Variants in LRP2 observed in about 807,000 individuals in gnomAD.
LRP2 encodes LDL receptor related protein 2.
LRP2 carries 172 observed loss-of-function variants against 531.0 expected under a neutral mutation model. The observed-to-expected ratio is 0.32, with a 90% CI of 0.29 to 0.37. The LOEUF (loss-of-function observed/expected upper bound fraction) is 0.37. LRP2 is among the 10% of genes least tolerant of loss of function. The pLI is 1.00. For missense variants in LRP2, 5,167 were observed against 5,868.3 expected (o/e 0.88, Z 3.90); for synonymous variants, 1,992 against 2,027.6 (o/e 0.98, Z 0.47).
At chr2:169,165,088 A>G (rs980280638) in intron 62 of LRP2, among the ~76,000 whole-genome samples, 9 of 152,234 alleles carry the variant, frequency 5.9e-5, no homozygotes, top group African/African-American at 2.2e-4. Context: ...CCTCCCTGAC[A>G]GTCTCCTCTG....
chr2:169,185,830 G>A lies in LRP2; in HGVS notation c.9518C>T (p.Ser3173Phe). ...CSQKCENVIG[S>F]YICKCAPGYL... is the part of the protein sequence containing the mutation. ...GCCTGGGGCACACTTACAGATGTAG[G>A]AGCCTATTACATTCTCACACTTCTG... The change falls in exon 50 of 79, where the codon TCC becomes TTC. Residue 3173 changes from serine (S) to phenylalanine (F), a missense_variant. By Grantham distance (155) the Ser-to-Phe change is radical (BLOSUM62 -2). Around this residue, in one of 6 missense-constraint regions of LRP2, gnomAD observed 1,129 missense variants for 1,362.7 expected, o/e 0.83. Coordinates refer to ENST00000649046, the MANE Select transcript of LRP2 (RefSeq NM_004525.3). 1.9e-6 allele frequency: 3 copies of A among 1,613,924 alleles called. No individual in the cohort carries two copies. The highest frequency in any genetic ancestry group is 2.5e-6 in the Non-Finnish European group (3 of 1,179,982).
intron 69 of LRP2, among the ~76,000 whole-genome samples, chr2:169,146,219 T>C (rs1685904929): frequency 1.3e-5 from 2 of 152,216 alleles, no homozygotes; most frequent in Non-Finnish European, 2.9e-5. Context: ...TGGAAAACAA[T>C]TTAAATGGCA....
intron 31 of LRP2, among the ~76,000 whole-genome samples, chr2:169,229,687 C>T (rs1236117252): frequency 6.6e-6 from 1 of 152,194 alleles, no homozygotes; most frequent in East Asian, 1.9e-4. Context: ...AGAACCATCT[C>T]ATAATTCCCC....
chr2:169,327,807 C>T (rs868280461), intron 1 of LRP2, among the ~76,000 whole-genome samples: 1,549 of 86,928 alleles, frequency 0.018, 24 homozygotes, highest in African/African-American at 0.043. Flanking sequence ...AGGTGAGGGG[C>T]GCCTCTGCCC....
intron 22 of LRP2, among the ~76,000 whole-genome samples, chr2:169,244,172 C>G (rs967509640): frequency 1.3e-5 from 2 of 152,128 alleles, no homozygotes; most frequent in Admixed American, 6.6e-5. Context: ...GAACTTTGCT[C>G]CATCTTAAAC....
At chr2:169,174,401 C>A (rs112447735) in intron 55 of LRP2, among the ~76,000 whole-genome samples, 41 of 152,278 alleles carry the variant, frequency 2.7e-4, no homozygotes, top group Admixed American at 1.2e-3. Flanking sequence ...AACTGAACAC[C>A]CTGACCTGTT....
At chr2:169,242,601 A>G (rs10490130) in intron 24 of LRP2, among the ~76,000 whole-genome samples, 1 of 152,180 alleles carries the variant, frequency 6.6e-6, no homozygotes, top group African/African-American at 2.4e-5. Context: ...TCTCTACTGA[A>G]ACTTAAAAGA....
At chr2:169,358,998 T>C (rs1686073007) in intron 1 of LRP2, among the ~76,000 whole-genome samples, 1 of 151,800 alleles carries the variant, frequency 6.6e-6, no homozygotes, top group South Asian at 2.1e-4. Context: ...AAGACTTTCC[T>C]TTGTATATTT....
At chr2:169,294,333 A>G in intron 5 of LRP2, 72 bp from the exon 6 acceptor site, 1 of 929,914 alleles carries the variant, frequency 1.1e-6, no homozygotes, top group South Asian at 1.3e-5. Flanking sequence ...ATCTCAAAGG[A>G]AGAGCATCTC....
intron 8 of LRP2, 131 bp downstream of exon 8, chr2:169,290,714 T>A (rs1683977081): frequency 2.1e-6 from 2 of 957,084 alleles, no homozygotes; most frequent in East Asian, 5.2e-5. Flanking sequence ...GACACGTTTC[T>A]CAGTTTATGC....
chr2:169,146,275 T>C (rs1306545883), intron 69 of LRP2, among the ~76,000 whole-genome samples: 1 of 152,162 alleles, frequency 6.6e-6, no homozygotes, highest in African/African-American at 2.4e-5. Context: ...TCTGACCAAA[T>C]AGGAAAAATG....
chr2:169,303,779 T>C lies in LRP2; in HGVS notation c.427+3502A>G, dbSNP rs550578486. ...ATGCCTCACTGCAAAATCCCTTACA[T>C]GCATGTGATTCATTTTAGGTCACAG... On this transcript the variant is annotated intron_variant, in intron 4 of 78. Transcript: ENST00000649046. 2.1e-3 allele frequency among the ~76,000 whole-genome samples: 317 copies of C among 152,288 alleles called. 6 individuals are homozygous for C. Among genetic ancestry groups the C allele is most frequent in the Middle Eastern group, 0.01 (3 of 294 alleles).
intron 76 of LRP2, among the ~76,000 whole-genome samples, chr2:169,135,779 A>T (rs1482194082): frequency 6.6e-6 from 1 of 152,136 alleles, no homozygotes; most frequent in African/African-American, 2.4e-5. Context: ...GTCTCATTCC[A>T]GACACCAGAC....
chr2:169,221,793 T>C (rs909648503), intron 33 of LRP2, among the ~76,000 whole-genome samples: 1 of 152,140 alleles, frequency 6.6e-6, no homozygotes, highest in Non-Finnish European at 1.5e-5. Flanking sequence ...TGGACTAAGG[T>C]AGCTTTTCTT....
At chr2:169,329,780 G>T (rs1574264380) in intron 1 of LRP2, among the ~76,000 whole-genome samples, 2 of 152,198 alleles carry the variant, frequency 1.3e-5, no homozygotes, top group Non-Finnish European at 2.9e-5. Flanking sequence ...ATCCAAAGCA[G>T]GTCCGCTTGC....
chr2:169,328,232 G>GT lies in LRP2; in HGVS notation c.80-7349_80-7348insA, dbSNP rs1179122492. ...CCCGGCCAGCCGCCCCGTCCGGGAG[G>GT]GAGGTGGGGGGGTCAGCGCCCCGCC... On this transcript the variant is annotated intron_variant, in intron 1 of 78. Transcript: ENST00000649046. 2.4e-4 allele frequency among the ~76,000 whole-genome samples: 29 copies of GT among 122,644 alleles called. 1 individual carries two copies. The highest frequency in any genetic ancestry group is 3.8e-4 in the Non-Finnish European group (21 of 55,168). The allele number at this position is 122,644 out of a possible 152,430, so 80.5% of individuals were successfully genotyped here. A position where few individuals can be genotyped will look rare whatever the true frequency, so the allele number is the denominator to read the frequency against.
Position 169,272,997 on chromosome 2 carries a change from A to G in LRP2, c.2046T>C (p.Asn682=), listed in dbSNP as rs1159430453. The G allele has an allele frequency of 6.2e-7, 1 of 1,613,754 alleles. No individual in the cohort carries two copies. The highest frequency in any genetic ancestry group is 8.5e-7 in the Non-Finnish European group (1 of 1,179,790). ...ACTTGCAACGGAAACCCAAACCATC[A>G]TTATCTGTTCTGTGGCTGAGGACAC... ...QVCVLSHRTD[N]DGLGFRCKCT... Residue 682 remains asparagine (N), a synonymous_variant, in exon 15 of 79, where the codon AAT becomes AAC. Transcript: ENST00000649046.
At chr2:169,323,523 T>C (rs1377640245) in intron 1 of LRP2, among the ~76,000 whole-genome samples, 2 of 152,162 alleles carry the variant, frequency 1.3e-5, no homozygotes, top group Non-Finnish European at 2.9e-5. Context: ...TTAGTCTATA[T>C]GCAATTTATT....
Position 169,238,122 on chromosome 2 carries a change from C to T in LRP2, c.4475G>A (p.Ser1492Asn). The T allele has an allele frequency of 1.2e-6, 2 of 1,614,170 alleles. No homozygotes were observed. Among genetic ancestry groups the T allele is most frequent in the African/African-American group, 1.3e-5 (1 of 75,050 alleles). Residue 1492 changes from serine (S) to asparagine (N), a missense_variant, in exon 27 of 79, where the codon AGT (serine) becomes AAT (asparagine). This residue lies in a region of LRP2 where 2,811 missense variants were observed against 3,058.0 expected (regional missense o/e 0.92). Transcript: ENST00000649046. ...TCTGTCCGTTCCATTTTGAAACGCA[C>T]TCCAGGTTTTACCCTGAGTTGCATC... Reference protein sequence around the residue: ...WSDATQGKTWSAFQNGTDRRV... With the variant: ...WSDATQGKTWNAFQNGTDRRV...
Sources: gnomAD v4.1 joint callset for allele counts (sites outside exome capture counted in the v4.1 genomes callset) on GRCh38, gnomAD v4.1.1 for gene constraint, gnomAD v4.1.1 regional missense constraint, MANE v1.5 for transcripts, NCBI Gene and HGNC (gene_info 2026-07-23, HGNC 2026-07-21) for gene names.